MED1: variants seen among roughly 807,000 people sequenced by gnomAD.
The protein encoded by MED1 is mediator of RNA polymerase II transcription subunit 1.
MED1 carries 17 observed loss-of-function variants against 121.3 expected under a neutral mutation model. The observed-to-expected ratio is 0.14, with a 90% CI of 0.10 to 0.21. The LOEUF (loss-of-function observed/expected upper bound fraction) is 0.21. Among genes scored for constraint, MED1 ranks in the 10% least tolerant of loss-of-function variants. MED1 has a pLI of 1.00. For missense variants in MED1, 1,558 were observed against 1,919.4 expected, an observed-to-expected ratio of 0.81 and a Z score of 3.52; for synonymous variants, 661 against 694.4, an observed-to-expected ratio of 0.95 and a Z score of 0.76.
chr17:39,420,724 T>C (rs1364804116), intron 13 of MED1, among the ~76,000 whole-genome samples: 1 of 149,300 alleles, frequency 6.7e-6, no homozygotes, highest in African/African-American at 2.5e-5. Context: ...AATCTCTACC[T>C]CCCAGGATGA....
rs764261617 is a variant in MED1, at chr17:39,408,215, A to G, written c.4006T>C (p.Ser1336Pro). Residue 1336 changes from serine to proline, a missense_variant, in exon 17 of 17, where the codon TCC (serine) becomes CCC (proline). By Grantham distance (74) the Ser-to-Pro change is moderately conservative. Around this residue, in one of 5 missense-constraint regions of MED1, gnomAD observed 264 missense variants for 326.1 expected, o/e 0.81. Coordinates refer to ENST00000300651, the MANE Select transcript of MED1 (RefSeq NM_004774.4). This position sits in a 1 kb window ranked among gnomAD's most constrained non-coding sequence, Gnocchi z 4.7. ...TGTTTGGAGGACATAGGATGGCTGG[A>G]AGAATTTGTGCTCACCCCCATCTGG... ...DGQMGVSTNS[S>P]SHPMSSKHNM... The G allele has an allele frequency of 6.2e-7, 1 of 1,613,912 alleles. No homozygotes were observed. The highest frequency in any genetic ancestry group is 1.3e-5 in the African/African-American group (1 of 74,908).
chr17:39,409,992 G>T lies in MED1; in HGVS notation c.2229C>A (p.Ser743Arg). The T allele has an allele frequency of 6.2e-7, 1 of 1,614,100 alleles. No individual in the cohort carries two copies. The highest frequency in any genetic ancestry group is 8.5e-7 in the Non-Finnish European group (1 of 1,180,010). ...LDTPHITPAP[S>R]QCSTPPTTYP... ...AAGTTGTTGGGGGAGTGCTACACTG[G>T]CTTGGAGCTGGAGTGATGTGTGGCG... The change falls in exon 17 of 17, where the codon AGC becomes AGA. Residue 743 changes from serine to arginine, a missense_variant. Ser to Arg is a moderately radical substitution (Grantham distance 110). Coordinates refer to ENST00000300651, the MANE Select transcript of MED1 (RefSeq NM_004774.4).
At chr17:39,429,074 C>A (rs570754173) in intron 9 of MED1, among the ~76,000 whole-genome samples, 4 of 151,544 alleles carry the variant, frequency 2.6e-5, no homozygotes, top group African/African-American at 7.3e-5. Flanking sequence ...AATCCCAACA[C>A]TTTGGGAGGC....
At position 39,405,168 on chromosome 17, in the gene MED1, C is replaced by T; in HGVS notation, c.*2307G>A. 1.3e-6 allele frequency: 2 copies of T among 1,513,140 alleles called. No homozygotes were observed. The highest frequency in any genetic ancestry group is 1.8e-6 in the Non-Finnish European group (2 of 1,123,762). The allele number at this position is 1,513,140 out of a possible 1,614,324, so 93.7% of individuals were successfully genotyped here. A position where few individuals can be genotyped will look rare whatever the true frequency, so the allele number is the denominator to read the frequency against. On this transcript the variant is annotated 3_prime_UTR_variant, in exon 17 of 17. Transcript: ENST00000300651. ...CCACCCTGTGGAGAAATGCAGTGCT[C>T]CCTGGTTCTCAGGCAGGGTGAAGCA...
chr17:39,439,626 A>G (rs996608875), intron 5 of MED1, among the ~76,000 whole-genome samples: 1 of 152,094 alleles, frequency 6.6e-6, no homozygotes, highest in Non-Finnish European at 1.5e-5. Flanking sequence ...ATCGTGGCTC[A>G]TGTTTGTTGA....
At chr17:39,428,454 A>C (rs1406548705) in intron 9 of MED1, among the ~76,000 whole-genome samples, 2 of 152,114 alleles carry the variant, frequency 1.3e-5, no homozygotes, top group Non-Finnish European at 2.9e-5. Flanking sequence ...ACTGCACTCC[A>C]GCCCTGGCAA....
intron 10 of MED1, among the ~76,000 whole-genome samples, chr17:39,425,751 G>T (rs1033769920): frequency 6.6e-6 from 1 of 150,950 alleles, no homozygotes; most frequent in Non-Finnish European, 1.5e-5. Flanking sequence ...GCAGTGAGCC[G>T]AAATCGCACC....
chr17:39,418,546 C>G (rs547864517), intron 14 of MED1, among the ~76,000 whole-genome samples: 6 of 151,130 alleles, frequency 4.0e-5, no homozygotes, highest in Non-Finnish European at 8.8e-5. Flanking sequence ...AAAAAAAAAG[C>G]CTCTCTCACT....
At chr17:39,413,707 C>G (rs553858456) in intron 16 of MED1, among the ~76,000 whole-genome samples, 1 of 151,696 alleles carries the variant, frequency 6.6e-6, no homozygotes, top group African/African-American at 2.4e-5. Context: ...GCACTCCAGC[C>G]TGGGTAACAG....
At chr17:39,432,792 C>T (rs1054139401) in intron 7 of MED1, among the ~76,000 whole-genome samples, 1 of 151,564 alleles carries the variant, frequency 6.6e-6, no homozygotes, top group Non-Finnish European at 1.5e-5. Context: ...TGGCCAGGCG[C>T]GGTGGCTCAC....
intron 9 of MED1, among the ~76,000 whole-genome samples, chr17:39,430,692 TAAA>T (rs57515877): frequency 6.0e-5 from 7 of 116,886 alleles, no homozygotes; most frequent in Non-Finnish European, 8.7e-5. Context: ...GACTCCGTCT[TAAA>T]AAAAAAAAAA....
chr17:39,426,699 T>C (rs2048517968), intron 10 of MED1, among the ~76,000 whole-genome samples: 1 of 151,894 alleles, frequency 6.6e-6, no homozygotes, highest in African/African-American at 2.4e-5. Flanking sequence ...CACGCCTGGC[T>C]AATTTTGTAT....
chr17:39,418,919 C>A (rs2048435457), intron 14 of MED1, among the ~76,000 whole-genome samples: 1 of 151,814 alleles, frequency 6.6e-6, no homozygotes, highest in South Asian at 2.1e-4. Context: ...TCCCAAGTAG[C>A]TGGGACTACA....
At chr17:39,441,227 G>T (rs2048671756) in intron 3 of MED1, among the ~76,000 whole-genome samples, 1 of 152,118 alleles carries the variant, frequency 6.6e-6, no homozygotes, top group South Asian at 2.1e-4. Flanking sequence ...ACAAATATAT[G>T]ATTCCACTTA....
intron 3 of MED1, 98 bp downstream of exon 3, chr17:39,443,452 G>T: frequency 2.1e-6 from 2 of 952,756 alleles, no homozygotes; most frequent in Non-Finnish European, 3.3e-6. Context: ...ACATAAAGTT[G>T]ACCTACCTCA....
chr17:39,430,802 G>A (rs574312491), intron 9 of MED1, among the ~76,000 whole-genome samples: 58 of 152,082 alleles, frequency 3.8e-4, no homozygotes, highest in Non-Finnish European at 6.5e-4. Flanking sequence ...CCGATCAGTC[G>A]AGGCGAGGAG....
chr17:39,423,956 C>G (rs1388740026), intron 11 of MED1, 135 bp from the exon 12 acceptor site: 1 of 989,630 alleles, frequency 1.0e-6, no homozygotes, highest in Non-Finnish European at 1.4e-6. Context: ...GATCTTGGCT[C>G]ACTGCAACCT....
chr17:39,435,921 A>T (rs1316605251), intron 6 of MED1, among the ~76,000 whole-genome samples: 2 of 152,130 alleles, frequency 1.3e-5, no homozygotes, highest in Non-Finnish European at 2.9e-5. Context: ...ATACTACAAA[A>T]ATTAGCCGGG....
chr17:39,445,139 G>C (rs868594329), intron 2 of MED1, among the ~76,000 whole-genome samples: 1 of 152,048 alleles, frequency 6.6e-6, no homozygotes, highest in Non-Finnish European at 1.5e-5. Flanking sequence ...ATGAATACCA[G>C]TATTATGAAA....
Sources: allele counts gnomAD v4.1 joint callset (sites outside exome capture counted in the v4.1 genomes callset), GRCh38; gene constraint gnomAD v4.1.1; regional missense constraint gnomAD v4.1.1; non-coding constraint Gnocchi (gnomAD v3.1); transcripts MANE v1.5; gene names NCBI Gene and HGNC (gene_info 2026-07-23, HGNC 2026-07-21).